CCSER1: variants seen among roughly 807,000 people sequenced by gnomAD.
The protein encoded by CCSER1 is serine-rich coiled-coil domain-containing protein 1.
CCSER1 carries 41 observed loss-of-function variants against 82.0 expected under a neutral mutation model. The observed-to-expected ratio is 0.50, with a 90% confidence interval of 0.39 to 0.65. The LOEUF is 0.65. Ranked by LOEUF, CCSER1 falls within the 30% of genes least tolerant of loss-of-function variation. The pLI is 0.00. For missense variants in CCSER1, 1,119 were observed against 1,064.2 expected (o/e 1.05, Z -0.72); for synonymous variants, 414 against 383.9 (o/e 1.08, Z -0.92).
At chr4:90,214,228 A>G (rs964048965) in intron 1 of CCSER1, among the ~76,000 whole-genome samples, 24 of 152,150 alleles carry the variant, frequency 1.6e-4, no homozygotes, top group Non-Finnish European at 1.5e-4. Context: ...GGGAGATTAC[A>G]TGGACAGAGT....
intron 1 of CCSER1, among the ~76,000 whole-genome samples, chr4:90,217,836 C>T (rs1741380320): frequency 6.6e-6 from 1 of 151,958 alleles, no homozygotes; most frequent in Non-Finnish European, 1.5e-5. Context: ...CACTCTGTTA[C>T]CCAGGCTGGA....
intron 10 of CCSER1, among the ~76,000 whole-genome samples, chr4:91,420,838 T>C (rs1321493060): frequency 6.6e-6 from 1 of 152,070 alleles, no homozygotes; most frequent in Admixed American, 6.6e-5. Flanking sequence ...GATAGATAGA[T>C]AGAGATATAT....
chr4:90,355,999 A>G (rs989372156), intron 3 of CCSER1, among the ~76,000 whole-genome samples: 9 of 151,946 alleles, frequency 5.9e-5, no homozygotes, highest in Non-Finnish European at 1.3e-4. Flanking sequence ...TAATTGGCCA[A>G]CTACAAATCA....
intron 10 of CCSER1, among the ~76,000 whole-genome samples, chr4:91,305,886 G>A (rs28612254): frequency 0.036 from 5,394 of 151,820 alleles, 305 homozygotes; most frequent in African/African-American, 0.12. Flanking sequence ...TTATAAAACC[G>A]TCAGATCTTG....
chr4:90,515,522 C>T (rs1205128380), intron 5 of CCSER1, among the ~76,000 whole-genome samples: 1 of 149,884 alleles, frequency 6.7e-6, no homozygotes, highest in Admixed American at 6.6e-5. Flanking sequence ...CCTTTATTCT[C>T]TCCACTGGGA....
chr4:90,602,890 G>A (rs779175290), intron 5 of CCSER1, among the ~76,000 whole-genome samples: 23 of 152,120 alleles, frequency 1.5e-4, no homozygotes, highest in Non-Finnish European at 3.1e-4. Context: ...CCCCGATCAG[G>A]AAACAAATCT....
intron 10 of CCSER1, among the ~76,000 whole-genome samples, chr4:91,088,095 A>G (rs535689653): frequency 9.3e-4 from 141 of 152,252 alleles, no homozygotes; most frequent in African/African-American, 3.2e-3. Flanking sequence ...GCATAACAAG[A>G]TGTACAATGT....
At chr4:90,660,147 A>G (rs1338213073) in intron 6 of CCSER1, among the ~76,000 whole-genome samples, 1 of 152,108 alleles carries the variant, frequency 6.6e-6, no homozygotes, top group Non-Finnish European at 1.5e-5. Flanking sequence ...ATAAGTATAT[A>G]ACTACCATTT....
At chr4:90,870,358 T>C (rs948245354) in intron 8 of CCSER1, among the ~76,000 whole-genome samples, 3 of 151,954 alleles carry the variant, frequency 2.0e-5, no homozygotes, top group African/African-American at 7.2e-5. Context: ...TGTATTGAAG[T>C]ATGTTTCTTA....
chr4:90,147,477 A>G (rs1726030261), intron 1 of CCSER1, among the ~76,000 whole-genome samples: 1 of 152,170 alleles, frequency 6.6e-6, no homozygotes, highest in African/African-American at 2.4e-5. Context: ...TCTAGTAATT[A>G]TAGATATAAA....
chr4:90,289,946 A>G (rs1488796327), intron 1 of CCSER1, among the ~76,000 whole-genome samples: 3 of 151,844 alleles, frequency 2.0e-5, no homozygotes, highest in African/African-American at 7.2e-5. Context: ...GCCCAAAGTT[A>G]GTGAGAGCAG....
chr4:90,747,486 A>G (rs1747690386), intron 7 of CCSER1, among the ~76,000 whole-genome samples: 1 of 151,960 alleles, frequency 6.6e-6, no homozygotes, highest in African/African-American at 2.4e-5. Context: ...AGAGCAGAGA[A>G]AAAAAAAGAG....
intron 10 of CCSER1, among the ~76,000 whole-genome samples, chr4:91,533,622 A>G (rs1434684422): frequency 1.3e-5 from 2 of 152,148 alleles, no homozygotes. Flanking sequence ...AATCAAATAT[A>G]AAAATTGCAG....
intron 10 of CCSER1, among the ~76,000 whole-genome samples, chr4:91,536,003 C>T (rs1228968096): frequency 6.6e-6 from 1 of 152,008 alleles, no homozygotes; most frequent in Non-Finnish European, 1.5e-5. Flanking sequence ...ATATTTTAGT[C>T]ACAATTTGGA....
At chr4:90,133,041 G>T (rs1315420614) in intron 1 of CCSER1, among the ~76,000 whole-genome samples, 1 of 152,082 alleles carries the variant, frequency 6.6e-6, no homozygotes, top group East Asian at 1.9e-4. Flanking sequence ...TGATTCAGAA[G>T]CTCTGGGGTG....
At chr4:90,974,288 A>C (rs551250774) in intron 9 of CCSER1, among the ~76,000 whole-genome samples, 3 of 151,468 alleles carry the variant, frequency 2.0e-5, no homozygotes, top group Admixed American at 6.6e-5. Flanking sequence ...TTCACAATAC[A>C]TATATCAAAA....
At chr4:91,103,606 G>A (rs1051229445) in intron 10 of CCSER1, among the ~76,000 whole-genome samples, 27 of 152,224 alleles carry the variant, frequency 1.8e-4, no homozygotes, top group African/African-American at 6.3e-4. Context: ...TTTCATGGAC[G>A]TTTATCAGTT....
chr4:90,970,437 A>C (rs1372076449), intron 9 of CCSER1, among the ~76,000 whole-genome samples: 1 of 152,018 alleles, frequency 6.6e-6, no homozygotes, highest in East Asian at 1.9e-4. Context: ...TCTAACATAC[A>C]GCACCCAAAT....
intron 10 of CCSER1, among the ~76,000 whole-genome samples, chr4:91,092,998 C>T (rs1193610437): frequency 1.1e-4 from 17 of 152,088 alleles, no homozygotes; most frequent in East Asian, 5.8e-4. Flanking sequence ...TCCTTTCCCC[C>T]GAATTTAATA....
Sources: allele counts gnomAD v4.1 joint callset (sites outside exome capture counted in the v4.1 genomes callset), GRCh38; gene constraint gnomAD v4.1.1; transcripts MANE v1.5; gene names NCBI Gene and HGNC (gene_info 2026-07-23, HGNC 2026-07-21).